SMC1A: variants seen among roughly 807,000 people sequenced by gnomAD.
The protein encoded by SMC1A is structural maintenance of chromosomes 1A.
A neutral mutation model predicts 94.5 loss-of-function variants in SMC1A; 4 were observed. That is an observed-to-expected ratio of 0.04 (90% CI 0.02 to 0.10). The LOEUF is 0.10. Ranked by LOEUF, SMC1A falls within the 10% of genes least tolerant of loss-of-function variation. The pLI is 1.00. For synonymous variants in SMC1A, 345 were observed against 347.7 expected (o/e 0.99, Z 0.09); for missense variants, 304 against 989.0 (o/e 0.31, Z 9.29).
In SMC1A at chrX:53,402,553, TA is replaced by T. The variant is rs370079547; in HGVS notation, c.2420+1012del. On this transcript the variant is annotated intron_variant, in intron 15 of 24. Coordinates refer to ENST00000322213, the MANE Select transcript of SMC1A (RefSeq NM_006306.4). ...GCTGCTAAATACCTTTTAAAAAGGT[TA>T]AAAAAAAAAAAAAGCCAGGCGGGGG... Among the ~76,000 whole-genome samples the T allele has an allele frequency of 6.1e-3, 559 of 92,187 alleles. 2 individuals are homozygous for T. Among genetic ancestry groups the T allele is most frequent in the Middle Eastern group, 0.021 (4 of 191 alleles). 80.1% of individuals were successfully genotyped at this position (92,187 alleles called of 115,157 possible).
chrX:53,400,121 C>G (rs782072780), intron 15 of SMC1A, among the ~76,000 whole-genome samples: 1 of 112,153 alleles, frequency 8.9e-6, no homozygotes, highest in South Asian at 3.7e-4. Flanking sequence ...CTCTAATCCT[C>G]TAATCAACAG....
At position 53,383,191 on chromosome X, in the gene SMC1A, C is replaced by T; in HGVS notation, c.3036G>A (p.Glu1012=). Residue 1012 remains glutamate, a synonymous_variant, in exon 20 of 25, where the codon GAG becomes GAA. Transcript: ENST00000322213. ...CAATACGCTGAAGCACACTCTGCTGCTCATTCAGCTTCTGCTGCAGTGTGT... is the reference window on the plus strand; with the variant it reads ...CAATACGCTGAAGCACACTCTGCTGTTCATTCAGCTTCTGCTGCAGTGTGT... ...EMNTLQQKLN[E]QQSVLQRIAA... 3 of 1,195,182 alleles carry T rather than the reference C, an allele frequency of 2.5e-6. No homozygotes were observed. Among genetic ancestry groups the T allele is most frequent in the Non-Finnish European group, 3.4e-6 (3 of 885,411 alleles).
chrX:53,398,004 T>C (rs1438028550), intron 16 of SMC1A, among the ~76,000 whole-genome samples: 1 of 108,438 alleles, frequency 9.2e-6, no homozygotes, highest in Admixed American at 1.0e-4. Flanking sequence ...TGGCGAACAT[T>C]GTGAAACCCC....
rs782643629 is a variant in SMC1A, at chrX:53,380,085, G to A, written c.*18C>T. 77 of 1,145,981 alleles carry A rather than the reference G, an allele frequency of 6.7e-5. No individual in the cohort carries two copies. Among genetic ancestry groups the A allele is most frequent in the Non-Finnish European group, 8.4e-5 (70 of 838,314 alleles). 94.4% of individuals were successfully genotyped at this position (1,145,981 alleles called of 1,213,427 possible). A position where few individuals can be genotyped will look rare whatever the true frequency, so the allele number is the denominator to read the frequency against. ...GACAGCTTAGGGATCCAGACAGGGC[G>A]GGAGGGCAAAAATACTGCTACTGCT... On this transcript the variant is annotated 3_prime_UTR_variant, in exon 25 of 25. Coordinates refer to ENST00000322213, the MANE Select transcript of SMC1A (RefSeq NM_006306.4).
intron 1 of SMC1A, among the ~76,000 whole-genome samples, chrX:53,417,368 A>G (rs782424809): frequency 1.8e-5 from 2 of 108,352 alleles, no homozygotes; most frequent in South Asian, 8.3e-4. Context: ...CCTGACTAAC[A>G]TGGAGAAACC....
chrX:53,415,237 T>C, intron 1 of SMC1A, 68 bp from the exon 2 acceptor site: 1 of 944,580 alleles, frequency 1.1e-6, no homozygotes, highest in Non-Finnish European at 1.5e-6. Flanking sequence ...GGAATAAAGA[T>C]ATTGAGATGA....
chrX:53,390,487 CAA>C (rs1157579546), intron 19 of SMC1A, among the ~76,000 whole-genome samples: 1 of 95,064 alleles, frequency 1.1e-5, no homozygotes, highest in Non-Finnish European at 2.1e-5. Context: ...GACTCTATCT[CAA>C]AAAAAAAAAA....
intron 16 of SMC1A, among the ~76,000 whole-genome samples, chrX:53,397,392 A>G (rs957159103): frequency 1.3e-4 from 14 of 111,279 alleles, no homozygotes; most frequent in Middle Eastern, 4.6e-3. Context: ...ACCAGCCTGG[A>G]CAATAAGGCA....
chrX:53,380,215 A>G, intron 24 of SMC1A, 29 bp from the exon 25 acceptor site: 1 of 1,100,065 alleles, frequency 9.1e-7, no homozygotes, highest in East Asian at 3.0e-5. Flanking sequence ...AAAGAAAAAT[A>G]AAATTGTAAG....
chrX:53,395,797 A>G (rs2075648518), intron 18 of SMC1A, among the ~76,000 whole-genome samples: 1 of 110,648 alleles, frequency 9.0e-6, no homozygotes, highest in Non-Finnish European at 1.9e-5. Flanking sequence ...TCTCCTGGCC[A>G]ATCTTCCTCA....
In SMC1A at chrX:53,411,705, C is replaced by T. The variant is rs140285832; in HGVS notation, c.1254+56G>A. 9,482 of 1,172,682 alleles carry T rather than the reference C, an allele frequency of 8.1e-3. 27 individuals are homozygous for T. Among genetic ancestry groups the T allele is most frequent in the Middle Eastern group, 0.017 (73 of 4,255 alleles). ...ATTATTTTGGATTTGGGATGCTCAACCTATATATATCCTTTTCTGTGGACC... is the reference window on the plus strand; with the variant it reads ...ATTATTTTGGATTTGGGATGCTCAATCTATATATATCCTTTTCTGTGGACC... On this transcript the variant is annotated intron_variant, in intron 7 of 24. Transcript: ENST00000322213.
At position 53,381,130 on chromosome X, in the gene SMC1A, G is replaced by T. The variant is rs377117813; in HGVS notation, c.3438-43C>A. 2.0e-5 allele frequency: 16 copies of T among 806,964 alleles called. No individual in the cohort carries two copies. In the African/African-American group the frequency reaches 2.0e-4, roughly 10 times the overall value. 66.5% of individuals were successfully genotyped at this position (806,964 alleles called of 1,213,427 possible). ...GGTGAGCTGACACTGAGGCGGGGAGGGGGTGGCAAGGCGGGGTGGGACAGC... is the reference window on the plus strand; with the variant it reads ...GGTGAGCTGACACTGAGGCGGGGAGTGGGTGGCAAGGCGGGGTGGGACAGC... On this transcript the variant is annotated intron_variant, in intron 22 of 24. Coordinates refer to ENST00000322213, the MANE Select transcript of SMC1A (RefSeq NM_006306.4).
At chrX:53,401,861 A>G (rs2075671665) in intron 15 of SMC1A, among the ~76,000 whole-genome samples, 1 of 110,668 alleles carries the variant, frequency 9.0e-6, no homozygotes, top group Admixed American at 9.7e-5. Flanking sequence ...TATGGTCATT[A>G]GCCACTTGAA....
Position 53,375,627 on chromosome X carries a change from G to T in SMC1A, c.*4476C>A, listed in dbSNP as rs2075557072. 1 of 110,396 alleles carries T rather than the reference G, an allele frequency of 9.1e-6. No individual in the cohort carries two copies. 9.1% of individuals were successfully genotyped at this position (110,396 alleles called of 1,213,427 possible). Reference sequence around the variant, plus strand: ...ATGAATGAATCAATGGCTTGTGGAGGGGTGGGGAGTGGGGGGGCAGTGAGA... The same window carrying T: ...ATGAATGAATCAATGGCTTGTGGAGTGGTGGGGAGTGGGGGGGCAGTGAGA... On this transcript the variant is annotated 3_prime_UTR_variant, in exon 25 of 25. Coordinates refer to ENST00000322213, the MANE Select transcript of SMC1A (RefSeq NM_006306.4).
chrX:53,405,026 C>A lies in SMC1A; in HGVS notation c.2182G>T (p.Ala728Ser). ...DLEQTKTRHL[A>S]LNLQEKSKLE... ...CCAGGCCCCACCTGCAGATTCAGGG[C>A]TAGATGTCGTGTCTTGGTCTGTTCT... Residue 728 changes from alanine (A) to serine (S), a missense_variant, in exon 13 of 25, where the codon GCC becomes TCC. Physicochemically the swap from Ala to Ser is moderately conservative, Grantham distance 99. This residue lies in a region of SMC1A where 57 missense variants were observed against 278.1 expected (regional missense o/e 0.20). Coordinates refer to ENST00000322213, the MANE Select transcript of SMC1A (RefSeq NM_006306.4). 1.7e-6 allele frequency: 2 copies of A among 1,200,221 alleles called. No homozygotes were observed. The highest frequency in any genetic ancestry group is 1.1e-6 in the Non-Finnish European group (1 of 889,987).
rs1602396128 is a variant in SMC1A, at chrX:53,376,673, T to C, written c.*3430A>G. 2.7e-5 allele frequency: 3 copies of C among 111,669 alleles called. No individual in the cohort carries two copies. The highest frequency in any genetic ancestry group is 4.5e-3 in the Middle Eastern group (1 of 220). 9.2% of individuals were successfully genotyped at this position (111,669 alleles called of 1,213,427 possible). A position where few individuals can be genotyped will look rare whatever the true frequency, so the allele number is the denominator to read the frequency against. On this transcript the variant is annotated 3_prime_UTR_variant, in exon 25 of 25. Coordinates refer to ENST00000322213, the MANE Select transcript of SMC1A (RefSeq NM_006306.4). Reference sequence around the variant, plus strand: ...TCTACTTCCTCAACTGGCTAATTCCTACCCGTCCCTCAAGACTCAGTTCAG... The same window carrying C: ...TCTACTTCCTCAACTGGCTAATTCCCACCCGTCCCTCAAGACTCAGTTCAG...
At chrX:53,409,983 G>A (rs1431483299) in intron 7 of SMC1A, among the ~76,000 whole-genome samples, 1 of 111,849 alleles carries the variant, frequency 8.9e-6, no homozygotes, top group Admixed American at 9.5e-5. Context: ...TCAAACTCCT[G>A]GCCTCAAGTG....
intron 19 of SMC1A, among the ~76,000 whole-genome samples, 174 bp from the exon 20 acceptor site, chrX:53,383,427 C>T (rs1272075266): frequency 8.9e-6 from 1 of 111,957 alleles, no homozygotes; most frequent in East Asian, 2.8e-4. Flanking sequence ...CCATTCCCAC[C>T]ATCTCTGGAA....
intron 20 of SMC1A, 76 bp from the exon 21 acceptor site, chrX:53,382,736 C>T: frequency 8.9e-7 from 1 of 1,127,145 alleles, no homozygotes; most frequent in Non-Finnish European, 1.2e-6. Flanking sequence ...AGAGCAGGAA[C>T]ATCCCACTGA....
Sources: allele counts gnomAD v4.1 joint callset (sites outside exome capture counted in the v4.1 genomes callset), GRCh38; gene constraint gnomAD v4.1.1; regional missense constraint gnomAD v4.1.1; transcripts MANE v1.5; gene names NCBI Gene and HGNC (gene_info 2026-07-23, HGNC 2026-07-21).